Variants in PCSK4 observed in about 807,000 individuals in gnomAD.
PCSK4 encodes testicular tissue protein Li 135.
A neutral mutation model predicts 80.3 loss-of-function variants in PCSK4; 64 were observed. The observed-to-expected ratio is 0.80, with a 90% CI of 0.65 to 0.98. The LOEUF (loss-of-function observed/expected upper bound fraction) is 0.98, where lower values mean the gene tolerates loss of function less well. Among genes scored for constraint, PCSK4 ranks in the 50% least tolerant of loss-of-function variants. The probability of loss-of-function intolerance (pLI) is 0.00; values close to 1 mark genes in which losing one functional copy is unlikely to be tolerated. For synonymous variants in PCSK4, 561 were observed against 487.6 expected, an observed-to-expected ratio of 1.15 and a Z score of -1.98; for missense variants, 1,213 against 1,093.6, an observed-to-expected ratio of 1.11 and a Z score of -1.54.
rs747081151 is a variant in PCSK4, at chr19:1,482,365, CCT to C, written c.1805_1806del (p.Glu602GlyfsTer7). ...CGCCGGCACTCACCCTGGCACAGCC[CCT>C]CTGTGTCCCGCTGCACACACGCGCT... is the stretch of plus-strand genomic sequence containing the variant. On this transcript the variant is annotated frameshift_variant, in exon 14 of 15. Transcript: ENST00000300954. LOFTEE classifies it low-confidence loss of function (END_TRUNC). 606 of 1,543,250 alleles carry C rather than the reference CCT, an allele frequency of 3.9e-4. 6 individuals are homozygous for C. In the East Asian group the frequency reaches 0.011, roughly 28 times the overall value.
chr19:1,489,148 T>TC (rs1417258753), intron 2 of PCSK4, among the ~76,000 whole-genome samples: 1 of 150,768 alleles, frequency 6.6e-6, no homozygotes, highest in Non-Finnish European at 1.5e-5. Flanking sequence ...TTTTTTTTTT[T>TC]TGAGACGGAG....
intron 8 of PCSK4, among the ~76,000 whole-genome samples, 158 bp from the exon 9 acceptor site, chr19:1,484,285 C>T (rs1328425911): frequency 2.0e-5 from 3 of 151,846 alleles, no homozygotes; most frequent in Admixed American, 1.3e-4. Flanking sequence ...GTCAGGAGTT[C>T]AAGACCAGCC....
Position 1,484,104 on chromosome 19 carries a change from C to A in PCSK4, c.1092G>T (p.Gly364=), listed in dbSNP as rs548613982. 4 of 1,565,584 alleles carry A rather than the reference C, an allele frequency of 2.6e-6. No homozygotes were observed. The East Asian group carries it at 7.1e-5, about 28-fold the overall frequency. Residue 364 remains glycine (G), a synonymous_variant, in exon 9 of 15, where the codon GGG becomes GGT. Coordinates refer to ENST00000300954, the Ensembl canonical transcript of PCSK4. ...AGGTGCCCGTGTGCTGGTCTGTGCA[C>A]CCGTGATGCAGGTCCGTGGTGACCT...
chr19:1,487,852 C>T (rs755890445), exon 5 of PCSK4: 1 of 1,549,256 alleles, frequency 6.5e-7, no homozygotes, highest in Non-Finnish European at 8.7e-7. Context: ...TCATAGCTGG[C>T]CAGGGGGTCC....
exon 6 of PCSK4, chr19:1,487,625 G>C (rs763827972): frequency 6.4e-7 from 1 of 1,552,852 alleles, no homozygotes; most frequent in Non-Finnish European, 8.7e-7. Flanking sequence ...CGTTGAAAGC[G>C]ACCCCCACAC....
At chr19:1,481,888 G>T in exon 15 of PCSK4, 1 of 1,594,760 alleles carries the variant, frequency 6.3e-7, no homozygotes. Flanking sequence ...CGGCCAGGAG[G>T]CTCAGCACCA....
intron 8 of PCSK4, 139 bp from the exon 9 acceptor site, chr19:1,484,266 T>G (rs1599213999): frequency 1.7e-6 from 1 of 573,254 alleles, no homozygotes; most frequent in Non-Finnish European, 3.2e-6. Flanking sequence ...GGCGGGCGTG[T>G]TGTCTGAGGT....
At chr19:1,490,585 T>C (rs1032353622), upstream of PCSK4, 11 of 475,650 alleles carry the variant, frequency 2.3e-5, no homozygotes, top group Non-Finnish European at 3.3e-5. Flanking sequence ...TTCCCATTTG[T>C]ACAACGACAA....
At chr19:1,482,059 G>A (rs1395529694) in exon 15 of PCSK4, 1 of 1,556,646 alleles carries the variant, frequency 6.4e-7, no homozygotes, top group Non-Finnish European at 8.7e-7. Flanking sequence ...GGCAGGTGTA[G>A]CAGGAGGCAT....
chr19:1,489,767 G>C (rs79975727), intron 2 of PCSK4, 26 bp downstream of exon 2: 281 of 1,591,818 alleles, frequency 1.8e-4, no homozygotes, highest in Non-Finnish European at 2.2e-4. Context: ...CCCCGGGCAG[G>C]GGGTTGGCCT....
chr19:1,488,321 C>G (rs2084750507), intron 2 of PCSK4, 41 bp from the exon 3 acceptor site: 1 of 1,512,132 alleles, frequency 6.6e-7, no homozygotes, highest in African/African-American at 1.4e-5. Flanking sequence ...CCCTGCTCGC[C>G]CCTGGGGCCC....
exon 15 of PCSK4, chr19:1,481,772 G>A (rs1403193536): frequency 1.3e-6 from 2 of 1,509,778 alleles, no homozygotes; most frequent in African/African-American, 1.4e-5. Context: ...GGTTCCAGCT[G>A]GCAGCCAGAC....
chr19:1,483,788 CA>C, intron 10 of PCSK4, 21 bp from the exon 11 acceptor site: 1 of 1,549,936 alleles, frequency 6.5e-7, no homozygotes, highest in South Asian at 1.2e-5. Context: ...GGGCAGCAGT[CA>C]CTCGCCCCGT....
At chr19:1,485,101 T>C (rs779795879) in intron 8 of PCSK4, among the ~76,000 whole-genome samples, 12 of 151,342 alleles carry the variant, frequency 7.9e-5, no homozygotes, top group Admixed American at 7.2e-4. Flanking sequence ...TGAGCTAAGA[T>C]TGCACCACTG....
exon 4 of PCSK4, chr19:1,488,022 A>G: frequency 6.2e-7 from 1 of 1,613,478 alleles, no homozygotes; most frequent in African/African-American, 1.3e-5. Flanking sequence ...CACAGAGACC[A>G]CGATGCCCTG....
chr19:1,483,603 C>G, intron 11 of PCSK4, 47 bp downstream of exon 11: 1 of 1,491,344 alleles, frequency 6.7e-7, no homozygotes, highest in Non-Finnish European at 9.1e-7. Context: ...CAGGCCTGTC[C>G]CCCACACCCC....
chr19:1,487,045 C>G (rs200211239), exon 8 of PCSK4: 2 of 1,606,732 alleles, frequency 1.2e-6, no homozygotes, highest in South Asian at 1.1e-5. Flanking sequence ...AGATGAAGAG[C>G]GTGCCCAGCC....
intron 12 of PCSK4, 57 bp downstream of exon 12, chr19:1,483,227 T>G: frequency 1.4e-6 from 2 of 1,447,846 alleles, no homozygotes; most frequent in South Asian, 2.7e-5. Context: ...TCCGGGTAGA[T>G]GGCAGCGTTT....
intron 6 of PCSK4, 96 bp from the exon 7 acceptor site, chr19:1,487,409 C>G: frequency 9.1e-7 from 1 of 1,100,162 alleles, no homozygotes. Flanking sequence ...CCCAGCCCTA[C>G]CTGGGCCCTC....
Sources: allele counts gnomAD v4.1 joint callset (sites outside exome capture counted in the v4.1 genomes callset), GRCh38; gene constraint gnomAD v4.1.1; transcripts MANE v1.5; gene names NCBI Gene and HGNC (gene_info 2026-07-23, HGNC 2026-07-21).